The following TSPAN14 variants were observed in gnomAD, a reference collection of about 807,000 sequenced individuals.
TSPAN14 encodes the protein tetraspanin-14.
In TSPAN14, 16 loss-of-function variants were observed where a neutral mutation model predicts 36.6. The ratio of observed to expected loss-of-function variants is 0.44; its 90% CI spans 0.30 to 0.66. The LOEUF (loss-of-function observed/expected upper bound fraction) is 0.66. Ranked by LOEUF, TSPAN14 falls within the 30% of genes least tolerant of loss-of-function variation. The pLI is 0.12. For missense variants in TSPAN14, 231 were observed against 355.1 expected (o/e 0.65, Z 2.81); for synonymous variants, 139 against 143.8 (o/e 0.97, Z 0.24).
intron 1 of TSPAN14, among the ~76,000 whole-genome samples, chr10:80,481,878 C>T (rs1023141461): frequency 2.0e-5 from 3 of 152,206 alleles, no homozygotes; most frequent in East Asian, 1.9e-4. Flanking sequence ...CTCAGCCTCC[C>T]GAGTAGCTGG....
chr10:80,517,489 A>G (rs796189866), intron 8 of TSPAN14, among the ~76,000 whole-genome samples: 6 of 152,336 alleles, frequency 3.9e-5, no homozygotes, highest in African/African-American at 1.4e-4. Flanking sequence ...CCTTGGTTTT[A>G]TTATGGAATC....
chr10:80,485,634 A>C (rs1847545517), intron 1 of TSPAN14: 1 of 985,318 alleles, frequency 1.0e-6, no homozygotes. Context: ...AGGATCTGCC[A>C]GCCCCACAGA....
At chr10:80,510,229 A>G (rs1840540584) in intron 5 of TSPAN14, among the ~76,000 whole-genome samples, 1 of 152,258 alleles carries the variant, frequency 6.6e-6, no homozygotes, top group Admixed American at 6.5e-5. Context: ...CATGTGGAAC[A>G]CTTTGGTTTT....
intron 1 of TSPAN14, among the ~76,000 whole-genome samples, chr10:80,487,932 C>T (rs1847705864): frequency 6.6e-6 from 1 of 152,144 alleles, no homozygotes; most frequent in South Asian, 2.1e-4. Context: ...GGTTTCATGT[C>T]CCTTCTTGGC....
intron 1 of TSPAN14, among the ~76,000 whole-genome samples, chr10:80,475,561 G>T (rs757537106): frequency 6.6e-6 from 1 of 152,118 alleles, no homozygotes; most frequent in Non-Finnish European, 1.5e-5. Flanking sequence ...GTTCTGAGTT[G>T]ATGTTCTTTT....
rs566900186 is a variant in TSPAN14, at chr10:80,507,345, C to G, written c.250C>G (p.Leu84Val). The G allele has an allele frequency of 6.2e-7, 1 of 1,614,202 alleles. No individual in the cohort carries two copies. The highest frequency in any genetic ancestry group is 1.1e-5 in the South Asian group (1 of 91,078). Reference sequence around the variant, plus strand: ...GGGGTTCGCCGGCTGCGTGGGGGCTCTGCGGGAGAATATCTGCTTGCTCAA... The same window carrying G: ...GGGGTTCGCCGGCTGCGTGGGGGCTGTGCGGGAGAATATCTGCTTGCTCAA... The change falls in exon 4 of 9, where the codon CTG (leucine) becomes GTG (valine). Residue 84 changes from leucine to valine, a missense_variant. Leu to Val is a conservative substitution (Grantham distance 32, BLOSUM62 1). Coordinates refer to ENST00000429989, the Ensembl canonical transcript of TSPAN14.
Position 80,507,152 on chromosome 10 carries a change from C to A in TSPAN14, c.133-76C>A, listed in dbSNP as rs939738140. On this transcript the variant is annotated intron_variant, in intron 3 of 8. Coordinates refer to ENST00000429989, the Ensembl canonical transcript of TSPAN14. ...GGAAGCAAGTCCCTGTTTTCAGTAC[C>A]ACCTGCATCCCCCAGGGCAGCATCC... 8 of 1,565,400 alleles carry A rather than the reference C, an allele frequency of 5.1e-6. No individual in the cohort carries two copies. In the African/African-American group the frequency reaches 8.1e-5, roughly 16 times the overall value.
At chr10:80,486,179 C>G (rs769947863) in intron 1 of TSPAN14, among the ~76,000 whole-genome samples, 4 of 152,172 alleles carry the variant, frequency 2.6e-5, no homozygotes, top group Admixed American at 6.5e-5. Context: ...GTTGGTCATG[C>G]GTGTTGGGTG....
At chr10:80,503,796 T>A (rs1840124395) in intron 2 of TSPAN14, among the ~76,000 whole-genome samples, 1 of 152,118 alleles carries the variant, frequency 6.6e-6, no homozygotes, top group Admixed American at 6.5e-5. Flanking sequence ...TCACCGGTAG[T>A]CATAGAGAAG....
intron 1 of TSPAN14, among the ~76,000 whole-genome samples, chr10:80,479,366 C>G (rs1355696702): frequency 4.5e-4 from 68 of 151,672 alleles, no homozygotes; most frequent in Non-Finnish European, 4.4e-5. Flanking sequence ...AAGTCCTTGC[C>G]CATGCCTATG....
At chr10:80,478,204 A>G (rs1008641215) in intron 1 of TSPAN14, among the ~76,000 whole-genome samples, 2 of 152,258 alleles carry the variant, frequency 1.3e-5, no homozygotes, top group African/African-American at 4.8e-5. Flanking sequence ...ATAAAAAGGA[A>G]CAGTTAGAAA....
intron 1 of TSPAN14, among the ~76,000 whole-genome samples, chr10:80,456,608 T>G (rs1845743884): frequency 6.6e-6 from 1 of 152,272 alleles, no homozygotes; most frequent in South Asian, 2.1e-4. Flanking sequence ...GTAGAATTCC[T>G]TTTAGCAGTG....
chr10:80,466,430 AT>A (rs1223554456), intron 1 of TSPAN14: 1 of 151,978 alleles, frequency 6.6e-6, no homozygotes, highest in Non-Finnish European at 1.5e-5. Context: ...ATTTTTAAAA[AT>A]TTTTCATAGA....
chr10:80,477,594 G>A (rs971797327), intron 1 of TSPAN14, among the ~76,000 whole-genome samples: 3 of 152,132 alleles, frequency 2.0e-5, no homozygotes, highest in African/African-American at 7.2e-5. Context: ...TTTGTGGGGG[G>A]AGGGGAACGT....
chr10:80,489,288 C>T (rs767352927), exon 2 of TSPAN14: 1 of 1,580,600 alleles, frequency 6.3e-7, no homozygotes, highest in Non-Finnish European at 8.6e-7. Context: ...CAAGTACCTC[C>T]TTTTCAGCTA....
chr10:80,460,355 T>C (rs913620426), intron 1 of TSPAN14, among the ~76,000 whole-genome samples: 17 of 152,142 alleles, frequency 1.1e-4, no homozygotes, highest in Middle Eastern at 3.2e-3. Context: ...TGATTAGATA[T>C]TGAGGTTGGG....
At chr10:80,492,406 G>A (rs559586838) in intron 2 of TSPAN14, among the ~76,000 whole-genome samples, 2 of 152,316 alleles carry the variant, frequency 1.3e-5, no homozygotes, top group South Asian at 4.1e-4. Context: ...GTTGATGGTG[G>A]ACACTGGGCT....
At chr10:80,508,912 C>T (rs1840457443) in intron 4 of TSPAN14, among the ~76,000 whole-genome samples, 1 of 152,122 alleles carries the variant, frequency 6.6e-6, no homozygotes, top group African/African-American at 2.4e-5. Context: ...AGGATGCCAC[C>T]CTGGAGGGTC....
chr10:80,459,413 C>T, intron 1 of TSPAN14: 1 of 152,690 alleles, frequency 6.5e-6, no homozygotes, highest in East Asian at 1.9e-4. Context: ...GCTGGAGGAA[C>T]TGGCTCCTCC....
Sources: gnomAD v4.1 joint callset for allele counts (sites outside exome capture counted in the v4.1 genomes callset) on GRCh38, gnomAD v4.1.1 for gene constraint, MANE v1.5 for transcripts, NCBI Gene and HGNC (gene_info 2026-07-23, HGNC 2026-07-21) for gene names.